Variants in KHDRBS2 observed in about 807,000 individuals in gnomAD.
KHDRBS2 encodes KH domain-containing, RNA-binding, signal transduction-associated protein 2.
A neutral mutation model predicts 44.3 loss-of-function variants in KHDRBS2; 26 were observed. The observed-to-expected ratio is 0.59, with a 90% CI of 0.43 to 0.81. The LOEUF is 0.81. KHDRBS2 is among the 40% of genes least tolerant of loss of function. The pLI, the probability that KHDRBS2 is intolerant of heterozygous loss-of-function variation, is 0.00. For synonymous variants in KHDRBS2, 194 were observed against 151.1 expected (o/e 1.28, Z -2.08); for missense variants, 476 against 433.1 (o/e 1.10, Z -0.88).
intron 4 of KHDRBS2, among the ~76,000 whole-genome samples, chr6:61,943,122 G>GAAAGAAA (rs1207554329): frequency 3.4e-4 from 48 of 139,156 alleles, no homozygotes; most frequent in East Asian, 2.6e-3. Flanking sequence ...AAAGAAAAAA[G>GAAAGAAA]AAAAGAAAGA....
At chr6:61,832,108 T>C (rs185004586) in intron 6 of KHDRBS2, among the ~76,000 whole-genome samples, 39 of 152,142 alleles carry the variant, frequency 2.6e-4, no homozygotes, top group African/African-American at 8.9e-4. Flanking sequence ...CTGGCACACA[T>C]CTGTGGTCCC....
At chr6:61,562,329 C>T in the KHDRBS2 span, among the ~76,000 whole-genome samples, 8 of 152,018 alleles carry the variant, frequency 5.3e-5, no homozygotes, top group African/African-American at 1.9e-4. Context: ...CAAGAGTTTC[C>T]AAGGGAATAT....
intron 7 of KHDRBS2, among the ~76,000 whole-genome samples, chr6:61,723,559 A>G (rs1291396037): frequency 6.6e-6 from 1 of 151,934 alleles, no homozygotes; most frequent in Non-Finnish European, 1.5e-5. Context: ...AAAAACAAAC[A>G]AACAAACAAA....
chr6:62,074,379 T>G (rs568141379), intron 2 of KHDRBS2, among the ~76,000 whole-genome samples: 2 of 151,876 alleles, frequency 1.3e-5, no homozygotes, highest in African/African-American at 2.4e-5. Context: ...AAAAACTCTA[T>G]GCAAATGTTA....
chr6:61,948,011 A>T (rs1763957250), intron 4 of KHDRBS2, among the ~76,000 whole-genome samples: 1 of 151,662 alleles, frequency 6.6e-6, no homozygotes, highest in Admixed American at 6.6e-5. Flanking sequence ...GAAAGATAAC[A>T]TAAATCATAA....
At chr6:62,033,364 A>G (rs1433702793) in intron 3 of KHDRBS2, among the ~76,000 whole-genome samples, 1 of 151,974 alleles carries the variant, frequency 6.6e-6, no homozygotes, top group Non-Finnish European at 1.5e-5. Context: ...CAAGAAGTTT[A>G]TATAACACCA....
At chr6:61,888,561 CTTTTT>C (rs139822708) in intron 6 of KHDRBS2, among the ~76,000 whole-genome samples, 2 of 110,966 alleles carry the variant, frequency 1.8e-5, no homozygotes, top group Non-Finnish European at 1.8e-5. Flanking sequence ...TTTCTAATTC[CTTTTT>C]TTTTTTTTTT....
At chr6:62,185,644 T>G (rs1055328509) in intron 1 of KHDRBS2, among the ~76,000 whole-genome samples, 2 of 151,970 alleles carry the variant, frequency 1.3e-5, no homozygotes, top group African/African-American at 4.8e-5. Context: ...TTAAATATGA[T>G]CCAGGCATTT....
intron 6 of KHDRBS2, among the ~76,000 whole-genome samples, chr6:61,837,826 G>A (rs191802499): frequency 2.6e-5 from 4 of 152,090 alleles, no homozygotes; most frequent in Non-Finnish European, 4.4e-5. Flanking sequence ...ATCCAAACCA[G>A]AAATATGGTC....
At chr6:62,260,723 AG>A (rs1285215576) in intron 1 of KHDRBS2, among the ~76,000 whole-genome samples, 3 of 151,952 alleles carry the variant, frequency 2.0e-5, no homozygotes, top group Non-Finnish European at 4.4e-5. Flanking sequence ...AAATCACTTT[AG>A]GAAGAGTCTC....
At chr6:62,036,157 T>C (rs1337719566) in intron 3 of KHDRBS2, among the ~76,000 whole-genome samples, 1 of 151,782 alleles carries the variant, frequency 6.6e-6, no homozygotes, top group Non-Finnish European at 1.5e-5. Flanking sequence ...AGCTGTCAAA[T>C]CAAAGTATGT....
chr6:62,224,202 A>G (rs967538031), intron 1 of KHDRBS2, among the ~76,000 whole-genome samples: 1 of 152,194 alleles, frequency 6.6e-6, no homozygotes, highest in African/African-American at 2.4e-5. Flanking sequence ...AGAGAAAATG[A>G]GAGAGATGCA....
chr6:62,065,725 T>C (rs1298114291), intron 2 of KHDRBS2, among the ~76,000 whole-genome samples: 9 of 150,044 alleles, frequency 6.0e-5, no homozygotes, highest in Non-Finnish European at 8.9e-5. Context: ...ATGGCACATG[T>C]ATACATATGT....
At chr6:62,059,548 T>C (rs1233933102) in intron 2 of KHDRBS2, among the ~76,000 whole-genome samples, 1 of 151,688 alleles carries the variant, frequency 6.6e-6, no homozygotes, top group Non-Finnish European at 1.5e-5. Context: ...GTAATCAAAA[T>C]AAATTCTAAT....
chr6:62,160,920 A>C (rs1466354552), intron 2 of KHDRBS2, among the ~76,000 whole-genome samples: 1 of 152,150 alleles, frequency 6.6e-6, no homozygotes, highest in African/African-American at 2.4e-5. Context: ...ATTCATCTCC[A>C]TAACTCTTTT....
intron 6 of KHDRBS2, chr6:61,814,060 T>G (rs553580118): frequency 2.2e-6 from 1 of 455,986 alleles, no homozygotes; most frequent in African/African-American, 2.0e-5. Flanking sequence ...TTTATTCATT[T>G]ATTTATGAAG....
At chr6:62,254,644 G>A (rs1350394663) in intron 1 of KHDRBS2, among the ~76,000 whole-genome samples, 1 of 151,998 alleles carries the variant, frequency 6.6e-6, no homozygotes, top group African/African-American at 2.4e-5. Flanking sequence ...AAGCAAGAAA[G>A]GAAACCCACA....
chr6:61,732,592 C>T (rs923640430), intron 7 of KHDRBS2, 90 bp downstream of exon 7: 4 of 775,130 alleles, frequency 5.2e-6, no homozygotes, highest in Non-Finnish European at 9.0e-6. Flanking sequence ...ACTAGAAATT[C>T]TCACATGATA....
At chr6:62,195,592 A>C (rs1825512293) in intron 1 of KHDRBS2, among the ~76,000 whole-genome samples, 1 of 152,178 alleles carries the variant, frequency 6.6e-6, no homozygotes, top group Admixed American at 6.6e-5. Context: ...ATTAAAATTA[A>C]TACTGTGAAA....
Sources: gnomAD v4.1 joint callset for allele counts (sites outside exome capture counted in the v4.1 genomes callset) on GRCh38, gnomAD v4.1.1 for gene constraint, MANE v1.5 for transcripts, NCBI Gene and HGNC (gene_info 2026-07-23, HGNC 2026-07-21) for gene names.